Variants in ST6GAL2 observed in about 807,000 individuals in gnomAD.
The protein encoded by ST6GAL2 is beta-galactoside alpha-2,6-sialyltransferase 2.
A neutral mutation model predicts 37.5 loss-of-function variants in ST6GAL2; 24 were observed. That is an observed-to-expected ratio of 0.64 (90% CI 0.46 to 0.90). The LOEUF is 0.90. Among genes scored for constraint, ST6GAL2 ranks in the 40% least tolerant of loss-of-function variants. ST6GAL2 has a pLI of 0.00. For synonymous variants in ST6GAL2, 306 were observed against 295.1 expected (o/e 1.04, Z -0.38); for missense variants, 715 against 712.7 (o/e 1.00, Z -0.04).
At chr2:106,836,592 G>T (rs1024809883) in intron 2 of ST6GAL2, among the ~76,000 whole-genome samples, 89 of 151,516 alleles carry the variant, frequency 5.9e-4, no homozygotes, top group African/African-American at 2.2e-3. Flanking sequence ...TATATAATAT[G>T]TTAGTCAGAC....
intron 1 of ST6GAL2, among the ~76,000 whole-genome samples, chr2:106,847,455 G>GCATCC (rs1558705937): frequency 7.5e-4 from 114 of 152,344 alleles, no homozygotes; most frequent in African/African-American, 2.6e-3. Context: ...CCCATTGGGT[G>GCATCC]CACTGCAGTA....
At chr2:106,857,416 A>G (rs1248919294) in intron 1 of ST6GAL2, among the ~76,000 whole-genome samples, 1 of 152,152 alleles carries the variant, frequency 6.6e-6, no homozygotes, top group East Asian at 1.9e-4. Flanking sequence ...CAGCCTGGTC[A>G]ACATGCTGAA....
At chr2:106,815,360 T>TA (rs1675761708) in intron 5 of ST6GAL2, among the ~76,000 whole-genome samples, 1 of 152,216 alleles carries the variant, frequency 6.6e-6, no homozygotes, top group Non-Finnish European at 1.5e-5. Flanking sequence ...AGTACATACA[T>TA]AGAGTAATGA....
chr2:106,813,203 T>C (rs1407158854), intron 5 of ST6GAL2: 11 of 1,374,332 alleles, frequency 8.0e-6, no homozygotes, highest in African/African-American at 6.1e-5. Flanking sequence ...AGCTCTGATA[T>C]GGCCAATTTT....
At chr2:106,873,960 A>G (rs191500333) in intron 1 of ST6GAL2, among the ~76,000 whole-genome samples, 1 of 152,188 alleles carries the variant, frequency 6.6e-6, no homozygotes, top group Non-Finnish European at 1.5e-5. Flanking sequence ...AAAAAATCCA[A>G]CCTACTCTCT....
At chr2:106,819,971 G>A (rs1478236841) in intron 5 of ST6GAL2, among the ~76,000 whole-genome samples, 1 of 151,368 alleles carries the variant, frequency 6.6e-6, no homozygotes, top group Non-Finnish European at 1.5e-5. Context: ...ACACACAACA[G>A]GTACACAAAA....
intron 2 of ST6GAL2, among the ~76,000 whole-genome samples, chr2:106,842,089 A>T (rs4676302): frequency 6.6e-6 from 1 of 152,162 alleles, no homozygotes; most frequent in Non-Finnish European, 1.5e-5. Context: ...GTTTCCTAAA[A>T]AAGAAACAAT....
rs572006733 is a variant in ST6GAL2, at chr2:106,834,412, G to A, written c.944-266C>T. On this transcript the variant is annotated intron_variant, in intron 2 of 5. Coordinates refer to ENST00000409382, the MANE Select transcript of ST6GAL2 (RefSeq NM_001142351.2). ...TGATCTAAGTGATATTTAGATACTT[G>A]CTACCTTTTCAACATTCTTACAAGT... 2.1e-5 allele frequency: 7 copies of A among 332,418 alleles called. No homozygotes were observed. The South Asian group carries it at 3.1e-4, about 15-fold the overall frequency. 20.6% of individuals were successfully genotyped at this position (332,418 alleles called of 1,614,324 possible). A position where few individuals can be genotyped will look rare whatever the true frequency, so the allele number is the denominator to read the frequency against.
At chr2:106,870,780 GACA>G (rs1308133658) in intron 1 of ST6GAL2, among the ~76,000 whole-genome samples, 1 of 151,992 alleles carries the variant, frequency 6.6e-6, no homozygotes, top group Non-Finnish European at 1.5e-5. Context: ...ACTTCTCCAG[GACA>G]ACAATATAAT....
Position 106,806,489 on chromosome 2 carries a change from A to G in ST6GAL2, c.*189T>C. On this transcript the variant is annotated 3_prime_UTR_variant, in exon 6 of 6. Coordinates refer to ENST00000409382, the MANE Select transcript of ST6GAL2 (RefSeq NM_001142351.2). ...TCTTGAGCCTTATTTTTTTAAAAAA[A>G]CCATTTCTATGTTCAAAGCAGTAAT... 1 of 662,146 alleles carries G rather than the reference A, an allele frequency of 1.5e-6. No homozygotes were observed. Among genetic ancestry groups the G allele is most frequent in the East Asian group, 2.9e-5 (1 of 34,760 alleles). The allele number at this position is 662,146 out of a possible 1,614,324, so 41.0% of individuals were successfully genotyped here. A position where few individuals can be genotyped will look rare whatever the true frequency, so the allele number is the denominator to read the frequency against.
chr2:106,882,423 G>C (rs1248629314), intron 1 of ST6GAL2, among the ~76,000 whole-genome samples: 1 of 152,224 alleles, frequency 6.6e-6, no homozygotes, highest in African/African-American at 2.4e-5. Context: ...TACCTCCCAG[G>C]ATTGTGGCTA....
At chr2:106,806,972 G>C in intron 5 of ST6GAL2, 23 bp from the exon 6 acceptor site, 1 of 1,587,606 alleles carries the variant, frequency 6.3e-7, no homozygotes, top group Non-Finnish European at 8.6e-7. Context: ...CCAAAAATTA[G>C]AACCTAATGA....
rs185943979 is a variant in ST6GAL2, at chr2:106,821,738, T to G, written c.1318+8328A>C. ...GAAAACTATGGGCCAATATCTTTGA[T>G]GAATATTGATTTTAAAAAATCCTCA... On this transcript the variant is annotated intron_variant, in intron 5 of 5. Transcript: ENST00000409382. Among the ~76,000 whole-genome samples the G allele has an allele frequency of 2.2e-4, 34 of 152,156 alleles. No homozygotes were observed. In the East Asian group the frequency reaches 3.1e-3, roughly 14 times the overall value.
At chr2:106,875,584 G>A (rs942031413) in intron 1 of ST6GAL2, among the ~76,000 whole-genome samples, 11 of 152,206 alleles carry the variant, frequency 7.2e-5, no homozygotes, top group African/African-American at 2.7e-4. Flanking sequence ...AACTGATGGG[G>A]TACGGGAAAG....
chr2:106,871,015 A>C (rs776561460), intron 1 of ST6GAL2, among the ~76,000 whole-genome samples: 118 of 152,180 alleles, frequency 7.8e-4, no homozygotes, highest in Non-Finnish European at 1.5e-3. Context: ...TCGTTGTATG[A>C]AATCACAGCA....
At chr2:106,838,438 C>T (rs201996889) in intron 2 of ST6GAL2, among the ~76,000 whole-genome samples, 2 of 152,182 alleles carry the variant, frequency 1.3e-5, no homozygotes, top group Non-Finnish European at 2.9e-5. Context: ...GACAAAGCAT[C>T]GCTTTGGGAG....
At chr2:106,823,520 GAGAGAA>G (rs1676090941) in intron 5 of ST6GAL2, among the ~76,000 whole-genome samples, 1 of 151,030 alleles carries the variant, frequency 6.6e-6, no homozygotes, top group African/African-American at 2.4e-5. Flanking sequence ...GAGAGAGAGA[GAGAGAA>G]AGATTTCCTA....
intron 1 of ST6GAL2, among the ~76,000 whole-genome samples, chr2:106,877,938 A>ACCTGAAGGGCTGCAC (rs1273926510): frequency 1.3e-5 from 2 of 152,200 alleles, no homozygotes; most frequent in East Asian, 3.9e-4. Context: ...TTGAGCAGGG[A>ACCTGAAGGGCTGCAC]CCTGAAGGGC....
intron 2 of ST6GAL2, among the ~76,000 whole-genome samples, chr2:106,836,451 T>C (rs921033718): frequency 2.0e-5 from 3 of 152,184 alleles, no homozygotes; most frequent in Non-Finnish European, 4.4e-5. Context: ...CTTTTTGTGC[T>C]CTGTTACATT....
Sources: allele counts gnomAD v4.1 joint callset (sites outside exome capture counted in the v4.1 genomes callset), GRCh38; gene constraint gnomAD v4.1.1; transcripts MANE v1.5; gene names NCBI Gene and HGNC (gene_info 2026-07-23, HGNC 2026-07-21).